Variants in TMBIM6 observed in about 807,000 individuals in gnomAD.
TMBIM6 encodes the protein transmembrane BAX inhibitor motif containing 6.
In TMBIM6, 13 loss-of-function variants were observed where a neutral mutation model predicts 31.4. The ratio of observed to expected loss-of-function variants is 0.41; its 90% CI spans 0.27 to 0.66. TMBIM6 has a LOEUF of 0.66. Among genes scored for constraint, TMBIM6 ranks in the 30% least tolerant of loss-of-function variants. TMBIM6 has a pLI of 0.28. For synonymous variants in TMBIM6, 85 were observed against 101.7 expected, an observed-to-expected ratio of 0.84 and a Z score of 0.99; for missense variants, 275 against 289.5, an observed-to-expected ratio of 0.95 and a Z score of 0.36.
At chr12:49,757,196 G>T (rs1025051817) in intron 4 of TMBIM6, among the ~76,000 whole-genome samples, 2 of 152,152 alleles carry the variant, frequency 1.3e-5, no homozygotes, top group African/African-American at 2.4e-5. Context: ...TCTCATATAG[G>T]TTCATTTTGT....
At chr12:49,742,922 C>G (rs1945323622) in intron 1 of TMBIM6, among the ~76,000 whole-genome samples, 1 of 151,868 alleles carries the variant, frequency 6.6e-6, no homozygotes, top group Non-Finnish European at 1.5e-5. Context: ...ACTTTTGATC[C>G]ATAGTTTGCT....
At chr12:49,744,409 C>T (rs1245637246) in intron 1 of TMBIM6, 1 of 152,050 alleles carries the variant, frequency 6.6e-6, no homozygotes, top group Non-Finnish European at 1.5e-5. Flanking sequence ...TTTTGTTCCC[C>T]CAGAGTTTCT....
chr12:49,750,368 T>C (rs1429219751), intron 1 of TMBIM6, among the ~76,000 whole-genome samples: 1 of 152,242 alleles, frequency 6.6e-6, no homozygotes, highest in Non-Finnish European at 1.5e-5. Flanking sequence ...GCATTGCTGT[T>C]GTGAATACTG....
chr12:49,752,650 T>G (rs1945516885), intron 2 of TMBIM6, 101 bp downstream of exon 2: 2 of 1,022,468 alleles, frequency 2.0e-6, no homozygotes, highest in African/African-American at 1.6e-5. Context: ...GCTAACAAAT[T>G]AACTTGGCCA....
chr12:49,762,482 T>C (rs1276150632), intron 9 of TMBIM6, among the ~76,000 whole-genome samples: 3 of 152,214 alleles, frequency 2.0e-5, no homozygotes, highest in Admixed American at 6.5e-5. Flanking sequence ...CTTTGCAGGG[T>C]GGAGCACTTC....
chr12:49,747,466 A>T (rs935793722), intron 1 of TMBIM6, among the ~76,000 whole-genome samples: 3 of 151,400 alleles, frequency 2.0e-5, no homozygotes, highest in Non-Finnish European at 4.4e-5. Context: ...ACACCACCAC[A>T]CCCAGCTAAT....
rs1267806118 is a variant in TMBIM6, at chr12:49,763,588, A to T, written c.*692A>T. On this transcript the variant is annotated 3_prime_UTR_variant, in exon 10 of 10. Transcript: ENST00000267115. ...GTGGGAAGACTTCAGCACAAAGGAAAGACTAATTCTTGTCAGGCATTTTTG... is the reference window on the plus strand; with the variant it reads ...GTGGGAAGACTTCAGCACAAAGGAATGACTAATTCTTGTCAGGCATTTTTG... 1 of 152,234 alleles carries T rather than the reference A, an allele frequency of 6.6e-6. No individual in the cohort carries two copies. Among genetic ancestry groups the T allele is most frequent in the East Asian group, 1.9e-4 (1 of 5,196 alleles). The allele number at this position is 152,234 out of a possible 1,614,324, so 9.4% of individuals were successfully genotyped here.
rs552140206 is a variant in TMBIM6, at chr12:49,746,271, A to T, written c.-31+4660A>T. On this transcript the variant is annotated intron_variant, in intron 1 of 9. Coordinates refer to ENST00000267115, the MANE Select transcript of TMBIM6 (RefSeq NM_003217.3). ...CTAATTTTTTGTATTTTTAGTAGAG[A>T]TGGGGTTTCATTGTGTTGGCTGGGC... Among the ~76,000 whole-genome samples the T allele has an allele frequency of 7.3e-5, 11 of 151,622 alleles. No individual in the cohort carries two copies. The South Asian group carries it at 2.3e-3, about 32-fold the overall frequency.
intron 1 of TMBIM6, among the ~76,000 whole-genome samples, chr12:49,750,391 C>G (rs535408040): frequency 6.6e-6 from 1 of 152,182 alleles, no homozygotes; most frequent in East Asian, 1.9e-4. Flanking sequence ...AAACTTGGCT[C>G]TGAAAGTTGC....
chr12:49,757,722 T>C (rs1945632512), intron 4 of TMBIM6, among the ~76,000 whole-genome samples: 1 of 152,160 alleles, frequency 6.6e-6, no homozygotes, highest in African/African-American at 2.4e-5. Context: ...GGAAAGTAAT[T>C]AGAACGAAAG....
At chr12:49,758,632 C>T in intron 6 of TMBIM6, 51 bp from the exon 7 acceptor site, 1 of 1,599,152 alleles carries the variant, frequency 6.3e-7, no homozygotes. Context: ...AATGGGATTG[C>T]TTTACTTTGC....
At chr12:49,745,804 T>TAA (rs748991425) in intron 1 of TMBIM6, among the ~76,000 whole-genome samples, 1 of 152,166 alleles carries the variant, frequency 6.6e-6, no homozygotes, top group Non-Finnish European at 1.5e-5. Flanking sequence ...TCACATGAGA[T>TAA]ATTTAACACT....
intron 8 of TMBIM6, among the ~76,000 whole-genome samples, chr12:49,760,226 C>G (rs557473133): frequency 6.6e-6 from 1 of 151,570 alleles, no homozygotes; most frequent in Admixed American, 6.6e-5. Context: ...ATTTATACTT[C>G]TGTATTTTTT....
In TMBIM6 at chr12:49,756,197, G is replaced by A. The variant is rs1032699512; in HGVS notation, c.286+442G>A. Reference sequence around the variant, plus strand: ...CACCCAGGCTAGAGAGTGCAGTGGCGTGATCTTGGCTCACTGCAAACTCTG... The same window carrying A: ...CACCCAGGCTAGAGAGTGCAGTGGCATGATCTTGGCTCACTGCAAACTCTG... On this transcript the variant is annotated intron_variant, in intron 4 of 9. Coordinates refer to ENST00000267115, the MANE Select transcript of TMBIM6 (RefSeq NM_003217.3). Among the ~76,000 whole-genome samples the A allele has an allele frequency of 9.3e-5, 14 of 150,978 alleles. No homozygotes were observed. The South Asian group carries it at 2.5e-3, about 27-fold the overall frequency.
rs991351450 is a variant in TMBIM6, at chr12:49,764,126, G to C, written c.*1230G>C. ...GAGTTAGGCGACCAAACCAGTGAGA[G>C]CCCCAATCCCTGCAGTTTTGTGGCT... is the stretch of plus-strand genomic sequence containing the variant. On this transcript the variant is annotated 3_prime_UTR_variant, in exon 10 of 10. Coordinates refer to ENST00000267115, the MANE Select transcript of TMBIM6 (RefSeq NM_003217.3). The C allele has an allele frequency of 1.2e-4, 18 of 152,238 alleles. No homozygotes were observed. The highest frequency in any genetic ancestry group is 4.3e-4 in the African/African-American group (18 of 41,532). The allele number at this position is 152,238 out of a possible 1,614,324, so 9.4% of individuals were successfully genotyped here.
rs1265100477 is a variant in TMBIM6, at chr12:49,762,900, G to T, written c.*4G>T. The T allele has an allele frequency of 6.2e-7, 1 of 1,612,510 alleles. No homozygotes were observed. Among genetic ancestry groups the T allele is most frequent in the African/African-American group, 1.3e-5 (1 of 75,008 alleles). ...TAAGAAGAAAGAGAAGAAATGAAGT[G>T]ACCATCCAGCCTTTCCCAATTAGAC... On this transcript the variant is annotated 3_prime_UTR_variant, in exon 10 of 10. Coordinates refer to ENST00000267115, the MANE Select transcript of TMBIM6 (RefSeq NM_003217.3).
intron 1 of TMBIM6, among the ~76,000 whole-genome samples, chr12:49,745,742 A>G (rs1945380080): frequency 7.6e-6 from 1 of 131,784 alleles, no homozygotes; most frequent in African/African-American, 3.3e-5. Flanking sequence ...AAAACCCAGC[A>G]CATTTAGAAT....
chr12:49,753,730 ATCTCCTGGCAGGGATTGTG>A (rs1252920605), intron 3 of TMBIM6, among the ~76,000 whole-genome samples: 1 of 152,218 alleles, frequency 6.6e-6, no homozygotes, highest in Non-Finnish European at 1.5e-5. Flanking sequence ...ATGTTCAGGC[ATCTCCTGGCAGGGATTGTG>A]TGAAAAATTA....
chr12:49,758,257 G>T lies in TMBIM6; in HGVS notation c.317G>T (p.Cys106Phe). Residue 106 changes from cysteine (C) to phenylalanine (F), a missense_variant, in exon 5 of 10, where the codon TGT (cysteine) becomes TTT (phenylalanine). Physicochemically the swap from Cys to Phe is radical, Grantham distance 205. Transcript: ENST00000267115. ...GVGLGPALEF[C>F]IAVNPSILPT... ...GGCCTGGGCCCTGCCCTGGAGTTTTGTATTGCTGTCAACCCCAGGTAACTC... is the reference window on the plus strand; with the variant it reads ...GGCCTGGGCCCTGCCCTGGAGTTTTTTATTGCTGTCAACCCCAGGTAACTC... 6.2e-7 allele frequency: 1 copy of T among 1,614,206 alleles called. No individual in the cohort carries two copies. Among genetic ancestry groups the T allele is most frequent in the Non-Finnish European group, 8.5e-7 (1 of 1,180,006 alleles).
Sources: allele counts gnomAD v4.1 joint callset (sites outside exome capture counted in the v4.1 genomes callset), GRCh38; gene constraint gnomAD v4.1.1; transcripts MANE v1.5; gene names NCBI Gene and HGNC (gene_info 2026-07-23, HGNC 2026-07-21).